WIF1: variants seen among roughly 807,000 people sequenced by gnomAD.
The protein encoded by WIF1 is Wnt inhibitory factor 1.
A neutral mutation model predicts 53.5 loss-of-function variants in WIF1; 35 were observed. That is an observed-to-expected ratio of 0.65 (90% confidence interval 0.50 to 0.87). WIF1 has a LOEUF of 0.87. Ranked by LOEUF, WIF1 falls within the 40% of genes least tolerant of loss-of-function variation. WIF1 has a pLI of 0.00. For missense variants in WIF1, 467 were observed against 476.8 expected, an observed-to-expected ratio of 0.98 and a Z score of 0.19; for synonymous variants, 171 against 170.4, an observed-to-expected ratio of 1.00 and a Z score of -0.03.
chr12:65,113,250 A>C (rs1347812667), intron 2 of WIF1, among the ~76,000 whole-genome samples: 1 of 152,232 alleles, frequency 6.6e-6, no homozygotes, highest in African/African-American at 2.4e-5. Context: ...GAGGTCCGGC[A>C]ACAGGATAAG....
intron 2 of WIF1, among the ~76,000 whole-genome samples, chr12:65,096,406 C>A (rs1464937864): frequency 6.6e-6 from 1 of 152,174 alleles, no homozygotes; most frequent in African/African-American, 2.4e-5. Context: ...AATGCTTTTA[C>A]ACTGTTGGTG....
chr12:65,055,530 G>T (rs1324623891), intron 8 of WIF1, among the ~76,000 whole-genome samples: 1 of 152,218 alleles, frequency 6.6e-6, no homozygotes, highest in Non-Finnish European at 1.5e-5. Flanking sequence ...CCAACACTTT[G>T]GGGGGCTGAG....
At chr12:65,087,700 A>T (rs1420508329) in intron 2 of WIF1, among the ~76,000 whole-genome samples, 5 of 152,128 alleles carry the variant, frequency 3.3e-5, no homozygotes, top group African/African-American at 1.2e-4. Flanking sequence ...TACTTTCATA[A>T]AGGTTATGAG....
rs1289307520 is a variant in WIF1 at position 65,051,448 on chromosome 12, A to G, written c.1041T>C (p.His347=). The change falls in exon 10 of 10, where the codon CAT becomes CAC. Residue 347 remains histidine (H), a synonymous_variant. Coordinates refer to ENST00000286574, the MANE Select transcript of WIF1 (RefSeq NM_007191.5). ...CNKRYEASLI[H]ALRPAGAQLR... The stretch of plus-strand genomic sequence containing the variant: ...GCTGGGCGCCTGCTGGCCTCAGGGC[A>G]TGTATGAGGCTGGCTTCGTACCCTG... 6 of 1,612,170 alleles carry G rather than the reference A, an allele frequency of 3.7e-6. No homozygotes were observed. In the African/African-American group the frequency reaches 5.3e-5, roughly 14 times the overall value.
At chr12:65,097,528 A>G (rs994054914) in intron 2 of WIF1, among the ~76,000 whole-genome samples, 18 of 152,170 alleles carry the variant, frequency 1.2e-4, no homozygotes, top group Admixed American at 2.6e-4. Flanking sequence ...CTCAGAAACC[A>G]ATCTATTAGA....
intron 6 of WIF1, among the ~76,000 whole-genome samples, chr12:65,063,923 C>T (rs1051865658): frequency 2.6e-5 from 4 of 152,068 alleles, no homozygotes; most frequent in Admixed American, 2.0e-4. Context: ...GCTACATTGT[C>T]CACACAGGTC....
chr12:65,104,883 T>A (rs1883331796), intron 2 of WIF1, among the ~76,000 whole-genome samples: 1 of 152,216 alleles, frequency 6.6e-6, no homozygotes, highest in Admixed American at 6.5e-5. Flanking sequence ...TGTGACAATT[T>A]TATACTTTTG....
At chr12:65,067,631 G>A in intron 5 of WIF1, 64 bp downstream of exon 5, 1 of 1,481,808 alleles carries the variant, frequency 6.7e-7, no homozygotes, top group South Asian at 1.1e-5. Context: ...AATACACATG[G>A]GGCTCCTGCA....
At chr12:65,097,026 A>C (rs1883215374) in intron 2 of WIF1, among the ~76,000 whole-genome samples, 1 of 151,880 alleles carries the variant, frequency 6.6e-6, no homozygotes, top group South Asian at 2.1e-4. Context: ...ACTTAAAAAA[A>C]AAAAAAAAAG....
At chr12:65,067,589 C>T (rs887032947) in intron 5 of WIF1, 106 bp downstream of exon 5, 12 of 1,210,010 alleles carry the variant, frequency 9.9e-6, no homozygotes, top group African/African-American at 3.0e-5. Context: ...CCCCTGTGAC[C>T]AGGAAAATAA....
intron 2 of WIF1, among the ~76,000 whole-genome samples, chr12:65,102,595 A>G (rs1883298570): frequency 6.6e-6 from 1 of 152,210 alleles, no homozygotes. Context: ...TATGTGACCA[A>G]ATTGTCTGGG....
At chr12:65,096,136 A>T (rs906257135) in intron 2 of WIF1, among the ~76,000 whole-genome samples, 1 of 152,212 alleles carries the variant, frequency 6.6e-6, no homozygotes, top group African/African-American at 2.4e-5. Flanking sequence ...AAGGTCTAAT[A>T]TCCAGAATCT....
At chr12:65,083,718 T>C (rs948590144) in intron 2 of WIF1, 3 of 332,584 alleles carry the variant, frequency 9.0e-6, no homozygotes, top group Non-Finnish European at 1.7e-5. Context: ...CAAAATCAGC[T>C]TCCCCCACTT....
chr12:65,063,698 CTT>C (rs34354517), intron 6 of WIF1, among the ~76,000 whole-genome samples: 6,376 of 131,738 alleles, frequency 0.048, 204 homozygotes, highest in African/African-American at 0.11. Flanking sequence ...AATCAAAACT[CTT>C]TTTTTTTTTT....
At chr12:65,089,775 C>A (rs1330714239) in intron 2 of WIF1, among the ~76,000 whole-genome samples, 1 of 152,172 alleles carries the variant, frequency 6.6e-6, no homozygotes, top group Non-Finnish European at 1.5e-5. Context: ...AGTTAAACTG[C>A]CCTTGCTACA....
Position 65,068,844 on chromosome 12 carries a change from T to C in WIF1, c.458A>G (p.Asp153Gly). 1 of 1,613,688 alleles carries C rather than the reference T, an allele frequency of 6.2e-7. No individual in the cohort carries two copies. The highest frequency in any genetic ancestry group is 2.2e-5 in the East Asian group (1 of 44,860). Residue 153 changes from aspartate (D) to glycine (G), a missense_variant, in exon 4 of 10, where the codon GAT (aspartate) becomes GGT (glycine). Asp to Gly is a moderately conservative substitution (Grantham distance 94). Coordinates refer to ENST00000286574, the MANE Select transcript of WIF1 (RefSeq NM_007191.5). The part of the protein sequence containing the change: ...KQDGVAAFEV[D>G]VIVMNSEGNT... ...GCCTTCAGAATTCATAACAATCACA[T>C]CCACTTCAAATGCTGCCACCCCATC...
At chr12:65,079,752 A>G (rs1248371522) in intron 2 of WIF1, among the ~76,000 whole-genome samples, 3 of 152,166 alleles carry the variant, frequency 2.0e-5, no homozygotes, top group African/African-American at 7.2e-5. Flanking sequence ...GTGGTTCTGC[A>G]GTTACCTGTA....
At chr12:65,067,869 G>A in intron 4 of WIF1, 79 bp from the exon 5 acceptor site, 1 of 1,273,096 alleles carries the variant, frequency 7.9e-7, no homozygotes, top group Non-Finnish European at 1.1e-6. Context: ...TGAGACAGTA[G>A]TGTTCATTTC....
intron 2 of WIF1, among the ~76,000 whole-genome samples, chr12:65,102,608 C>T (rs1261069585): frequency 6.6e-6 from 1 of 152,178 alleles, no homozygotes; most frequent in Non-Finnish European, 1.5e-5. Context: ...TGTCTGGGCA[C>T]CCCAAGGCCC....
Sources: allele counts gnomAD v4.1 joint callset (sites outside exome capture counted in the v4.1 genomes callset), GRCh38; gene constraint gnomAD v4.1.1; transcripts MANE v1.5; gene names NCBI Gene and HGNC (gene_info 2026-07-23, HGNC 2026-07-21).